Variants in DNAH7 observed in about 807,000 individuals in gnomAD.
DNAH7 encodes axonemal beta dynein heavy chain 7.
A neutral mutation model predicts 444.6 loss-of-function variants in DNAH7; 397 were observed. The ratio of observed to expected loss-of-function variants is 0.89; its 90% confidence interval spans 0.82 to 0.97. DNAH7 has a LOEUF of 0.97. Among genes scored for constraint, DNAH7 ranks in the 50% least tolerant of loss-of-function variants. The probability of loss-of-function intolerance (pLI) is 0.00; values close to 1 mark genes in which losing one functional copy is unlikely to be tolerated. For missense variants in DNAH7, 4,902 were observed against 4,800.8 expected (o/e 1.02, Z -0.62); for synonymous variants, 1,636 against 1,624.4 (o/e 1.01, Z -0.17).
At chr2:195,773,809 A>C (rs993904286) in intron 60 of DNAH7, among the ~76,000 whole-genome samples, 1 of 152,210 alleles carries the variant, frequency 6.6e-6, no homozygotes, top group Middle Eastern at 3.2e-3. Context: ...TTTCTATTCT[A>C]AATAGTGTGT....
chr2:195,788,356 A>C (rs1039495373), intron 57 of DNAH7, among the ~76,000 whole-genome samples: 1 of 152,246 alleles, frequency 6.6e-6, no homozygotes, highest in Non-Finnish European at 1.5e-5. Context: ...AAGGTGAGAC[A>C]CTGGGAAGTG....
chr2:195,862,532 C>T (rs966098041), intron 41 of DNAH7, among the ~76,000 whole-genome samples: 17 of 152,180 alleles, frequency 1.1e-4, no homozygotes, highest in Admixed American at 4.6e-4. Flanking sequence ...TCTTAAAATC[C>T]GAACCAACTT....
At chr2:196,027,774 T>G (rs1196803813) in intron 6 of DNAH7, among the ~76,000 whole-genome samples, 186 bp downstream of exon 6, 1 of 152,112 alleles carries the variant, frequency 6.6e-6, no homozygotes, top group Non-Finnish European at 1.5e-5. Flanking sequence ...ATTGTGGTCT[T>G]AGGTGGCAAG....
chr2:195,854,920 G>C (rs1352094247), intron 45 of DNAH7, among the ~76,000 whole-genome samples: 1 of 152,136 alleles, frequency 6.6e-6, no homozygotes, highest in African/African-American at 2.4e-5. Flanking sequence ...TTAGCACAAT[G>C]TCTTACATTT....
intron 5 of DNAH7, among the ~76,000 whole-genome samples, chr2:196,036,995 T>C (rs1696436092): frequency 6.6e-6 from 1 of 151,734 alleles, no homozygotes; most frequent in African/African-American, 2.4e-5. Flanking sequence ...CCATGAGTCA[T>C]ACCAAATCCC....
At chr2:195,906,527 G>A in intron 27 of DNAH7, 132 bp downstream of exon 27, 2 of 533,888 alleles carry the variant, frequency 3.7e-6, no homozygotes, top group South Asian at 3.8e-5. Flanking sequence ...CTGAGTTCAA[G>A]TGATCCTCCC....
chr2:196,026,253 A>G (rs777698151), intron 7 of DNAH7, among the ~76,000 whole-genome samples: 48 of 152,216 alleles, frequency 3.2e-4, no homozygotes, highest in African/African-American at 9.6e-4. Flanking sequence ...TTTGCCTGTG[A>G]GCTATAGTTT....
chr2:195,740,642 TATACATATACAC>T lies in DNAH7; in HGVS notation c.11868+112_11868+123del, dbSNP rs1210313210. ...ATATATATATATATATATATATATATATACATATACACACACACATATGTATACACATATATA... is the reference window on the plus strand; with the variant it reads ...ATATATATATATATATATATATATATACACACATATGTATACACATATATA... On this transcript the variant is annotated intron_variant, in intron 64 of 64. Coordinates refer to ENST00000312428, the MANE Select transcript of DNAH7 (RefSeq NM_018897.3). 873 of 93,834 alleles carry T rather than the reference TATACATATACAC, an allele frequency of 9.3e-3. 22 individuals carry two copies. Among genetic ancestry groups the T allele is most frequent in the South Asian group, 0.051 (167 of 3,288 alleles). 5.8% of individuals were successfully genotyped at this position (93,834 alleles called of 1,614,324 possible).
intron 57 of DNAH7, 40 bp downstream of exon 57, chr2:195,794,298 C>CT (rs1327644633): frequency 6.2e-7 from 1 of 1,606,028 alleles, no homozygotes; most frequent in Non-Finnish European, 8.5e-7. Flanking sequence ...ACTTGAAGTG[C>CT]TTTACAGGGC....
chr2:195,792,009 A>T (rs992470750), intron 57 of DNAH7, among the ~76,000 whole-genome samples: 9 of 152,088 alleles, frequency 5.9e-5, no homozygotes, highest in Admixed American at 2.0e-4. Flanking sequence ...CTACCAAAAA[A>T]TATAAAAATT....
At chr2:195,828,341 T>G (rs528013293) in intron 48 of DNAH7, among the ~76,000 whole-genome samples, 1 of 152,072 alleles carries the variant, frequency 6.6e-6, no homozygotes, top group Non-Finnish European at 1.5e-5. Context: ...TCCCAGCATT[T>G]TGGGAGGCCG....
At chr2:195,920,157 A>G (rs1687937220) in intron 24 of DNAH7, among the ~76,000 whole-genome samples, 1 of 152,184 alleles carries the variant, frequency 6.6e-6, no homozygotes, top group Admixed American at 6.6e-5. Flanking sequence ...CAGATTCAAT[A>G]CAATTCCCAC....
intron 25 of DNAH7, among the ~76,000 whole-genome samples, chr2:195,907,931 T>C (rs1687132805): frequency 6.6e-6 from 1 of 152,076 alleles, no homozygotes. Context: ...CAGAATGCTT[T>C]GGATGTCATA....
intron 40 of DNAH7, among the ~76,000 whole-genome samples, chr2:195,871,212 C>A (rs1700665790): frequency 6.6e-6 from 1 of 152,166 alleles, no homozygotes; most frequent in African/African-American, 2.4e-5. Flanking sequence ...TCCAGAGAAA[C>A]TGGATTTTTA....
chr2:195,849,427 G>A (rs776637613), intron 46 of DNAH7, among the ~76,000 whole-genome samples: 1 of 152,130 alleles, frequency 6.6e-6, no homozygotes, highest in African/African-American at 2.4e-5. Flanking sequence ...GAAGATCATA[G>A]GGGCCAAAAT....
intron 10 of DNAH7, among the ~76,000 whole-genome samples, chr2:196,012,551 A>G (rs1489825848): frequency 6.6e-6 from 1 of 152,194 alleles, no homozygotes; most frequent in African/African-American, 2.4e-5. Flanking sequence ...GGTACAAACC[A>G]GACACTTAGA....
At chr2:195,895,880 G>T (rs1281398152) in intron 29 of DNAH7, among the ~76,000 whole-genome samples, 1 of 152,034 alleles carries the variant, frequency 6.6e-6, no homozygotes, top group African/African-American at 2.4e-5. Context: ...GTCACAGCAG[G>T]TATCAATAGT....
At chr2:195,765,468 A>C (rs920908385) in intron 61 of DNAH7, among the ~76,000 whole-genome samples, 4 of 152,218 alleles carry the variant, frequency 2.6e-5, no homozygotes, top group Non-Finnish European at 4.4e-5. Context: ...AATATTTGCA[A>C]ACTACCTATC....
intron 1 of DNAH7, chr2:196,068,430 C>T: frequency 1.9e-6 from 1 of 538,708 alleles, no homozygotes. Context: ...TCTGGGGGTG[C>T]TCTGGGCTGT....
Sources: gnomAD v4.1 joint callset for allele counts (sites outside exome capture counted in the v4.1 genomes callset) on GRCh38, gnomAD v4.1.1 for gene constraint, MANE v1.5 for transcripts, NCBI Gene and HGNC (gene_info 2026-07-23, HGNC 2026-07-21) for gene names.